The following LNX2 variants were observed in gnomAD, a reference collection of about 807,000 sequenced individuals.
LNX2 encodes ligand of numb-protein X 2, also known as ligand of Numb protein X 2.
A neutral mutation model predicts 66.2 loss-of-function variants in LNX2; 35 were observed. The ratio of observed to expected loss-of-function variants is 0.53; its 90% confidence interval spans 0.40 to 0.70. The LOEUF (loss-of-function observed/expected upper bound fraction) is 0.70. Among genes scored for constraint, LNX2 ranks in the 30% least tolerant of loss-of-function variants. The pLI is 0.00. For missense variants in LNX2, 791 were observed against 850.8 expected, an observed-to-expected ratio of 0.93 and a Z score of 0.87; for synonymous variants, 337 against 315.6, an observed-to-expected ratio of 1.07 and a Z score of -0.72.
chr13:27,591,125 G>T (rs898963973), intron 1 of LNX2, among the ~76,000 whole-genome samples: 1 of 152,170 alleles, frequency 6.6e-6, no homozygotes, highest in African/African-American at 2.4e-5. Flanking sequence ...GGCCTCAGGG[G>T]CAGGGACCAG....
chr13:27,551,105 C>T (rs544551923), intron 8 of LNX2, among the ~76,000 whole-genome samples: 9 of 151,950 alleles, frequency 5.9e-5, no homozygotes, highest in Non-Finnish European at 1.2e-4. Flanking sequence ...AAAACACTAA[C>T]AAAAAATCTT....
chr13:27,614,412 A>T (rs1955805624), intron 1 of LNX2, among the ~76,000 whole-genome samples: 2 of 152,152 alleles, frequency 1.3e-5, no homozygotes, highest in Non-Finnish European at 2.9e-5. Context: ...CTCAGAGCAT[A>T]GGAGTACCAT....
At chr13:27,598,764 T>C (rs139023842) in intron 1 of LNX2, among the ~76,000 whole-genome samples, 2 of 152,226 alleles carry the variant, frequency 1.3e-5, no homozygotes, top group African/African-American at 4.8e-5. Context: ...ATAGTAAATA[T>C]AAGCAGGCTG....
At chr13:27,583,255 T>TGTGCGCGCGCGCGCGCGCGC (rs1555268514) in intron 1 of LNX2, among the ~76,000 whole-genome samples, 1 of 58,530 alleles carries the variant, frequency 1.7e-5, no homozygotes, top group Non-Finnish European at 3.2e-5. Context: ...TGTGTGTGTG[T>TGTGCGCGCGCGCGCGCGCGC]GCGCGCGTCC....
intron 6 of LNX2, among the ~76,000 whole-genome samples, chr13:27,559,482 T>A (rs1013498631): frequency 1.3e-5 from 2 of 152,172 alleles, no homozygotes; most frequent in Non-Finnish European, 2.9e-5. Context: ...TGTTTTTTCA[T>A]CAACTAACTC....
intron 8 of LNX2, 58 bp downstream of exon 8, chr13:27,553,150 G>T: frequency 7.1e-7 from 1 of 1,416,828 alleles, no homozygotes; most frequent in Non-Finnish European, 1.0e-6. Flanking sequence ...GCTACACACT[G>T]ATAAGGGCTG....
In LNX2 at chr13:27,581,665, C is replaced by G; in HGVS notation, c.39G>C (p.Gln13His). 1.9e-6 allele frequency: 3 copies of G among 1,613,048 alleles called. 1 individual carries two copies. Among genetic ancestry groups the G allele is most frequent in the South Asian group, 2.2e-5 (2 of 90,890 alleles). Residue 13 changes from glutamine to histidine, a missense_variant, in exon 2 of 10, where the codon CAG (glutamine) becomes CAC (histidine). By Grantham distance (24) the Gln-to-His change is conservative. Transcript: ENST00000316334. ...GGGGGTTTAGAGAAGAGGAGGAGGT[C>G]TGTTCCACAGACACCATCTCATCAC... ...TTSDEMVSVE[Q>H]TSSSSLNPLC...
At chr13:27,569,974 GTTTT>G (rs747636125) in intron 2 of LNX2, among the ~76,000 whole-genome samples, 1 of 152,088 alleles carries the variant, frequency 6.6e-6, no homozygotes, top group Non-Finnish European at 1.5e-5. Context: ...TAACCTGTTT[GTTTT>G]TACTTATTTA....
At chr13:27,575,523 A>G (rs1955332596) in intron 2 of LNX2, among the ~76,000 whole-genome samples, 1 of 152,024 alleles carries the variant, frequency 6.6e-6, no homozygotes. Context: ...TTCATTCCTT[A>G]TTTTCCTGCC....
chr13:27,547,411 C>G lies in LNX2; in HGVS notation c.*924G>C, dbSNP rs1954953099. On this transcript the variant is annotated 3_prime_UTR_variant, in exon 10 of 10. Coordinates refer to ENST00000316334, the MANE Select transcript of LNX2 (RefSeq NM_153371.4). ...TAACTGGATAACATTATCTTTTATC[C>G]TCTACTATTCTAATAATAGTATATT... 6.6e-6 allele frequency: 1 copy of G among 152,038 alleles called. No individual in the cohort carries two copies. Among genetic ancestry groups the G allele is most frequent in the Non-Finnish European group, 1.5e-5 (1 of 68,012 alleles). 9.4% of individuals were successfully genotyped at this position (152,038 alleles called of 1,614,324 possible).
chr13:27,598,204 T>TAA (rs10634128), intron 1 of LNX2, among the ~76,000 whole-genome samples: 81,894 of 138,710 alleles, frequency 0.59, 25,423 homozygotes, highest in African/African-American at 0.81. Context: ...CAGCACTGTT[T>TAA]AAAAAAAAAA....
intron 4 of LNX2, among the ~76,000 whole-genome samples, chr13:27,563,366 T>C (rs1955162702): frequency 6.6e-6 from 1 of 152,226 alleles, no homozygotes; most frequent in Non-Finnish European, 1.5e-5. Flanking sequence ...CCAGGTTAAT[T>C]GTAATTTCAC....
At chr13:27,571,551 T>A (rs752583599) in intron 2 of LNX2, among the ~76,000 whole-genome samples, 27 of 152,308 alleles carry the variant, frequency 1.8e-4, no homozygotes, top group Non-Finnish European at 4.0e-4. Flanking sequence ...GAAAATGTTC[T>A]AAAAATTGGA....
At chr13:27,576,315 G>A (rs1955339793) in intron 2 of LNX2, among the ~76,000 whole-genome samples, 1 of 152,030 alleles carries the variant, frequency 6.6e-6, no homozygotes, top group African/African-American at 2.4e-5. Flanking sequence ...AGACCAATTA[G>A]ACCCAATAGA....
intron 4 of LNX2, among the ~76,000 whole-genome samples, chr13:27,566,231 CA>C (rs1955204239): frequency 6.6e-6 from 1 of 152,068 alleles, no homozygotes; most frequent in Non-Finnish European, 1.5e-5. Context: ...AATGGCTGAA[CA>C]AAAGCTTTAA....
intron 1 of LNX2, among the ~76,000 whole-genome samples, chr13:27,609,917 G>A (rs1038178512): frequency 6.6e-6 from 1 of 152,226 alleles, no homozygotes; most frequent in Non-Finnish European, 1.5e-5. Context: ...AAAAGAATAG[G>A]TCAGTGTCCC....
chr13:27,604,790 C>A (rs1011463341), intron 1 of LNX2, among the ~76,000 whole-genome samples: 14 of 150,970 alleles, frequency 9.3e-5, no homozygotes, highest in African/African-American at 3.2e-4. Flanking sequence ...AACCCCTTTT[C>A]TTATGCTTGC....
chr13:27,589,220 G>C (rs1316252284), intron 1 of LNX2, among the ~76,000 whole-genome samples: 1 of 152,186 alleles, frequency 6.6e-6, no homozygotes, highest in Non-Finnish European at 1.5e-5. Context: ...TCTTTCCCCA[G>C]AGCCTCTTCC....
In LNX2 at chr13:27,581,413, C is replaced by G; in HGVS notation, c.291G>C (p.Lys97Asn). Reference sequence around the variant, plus strand: ...GTTTATGAACTAGAATACTAGACTTCTTGCACAACTTAAAATGAAGTCTTT... The same window carrying G: ...GTTTATGAACTAGAATACTAGACTTGTTGCACAACTTAAAATGAAGTCTTT... ...DRKRLHFKLC[K>N]KSSILVHKLL... The change falls in exon 2 of 10, where the codon AAG (lysine) becomes AAC (asparagine). Residue 97 changes from lysine (K) to asparagine (N), a missense_variant. Lys to Asn is a moderately conservative substitution (Grantham distance 94). Coordinates refer to ENST00000316334, the MANE Select transcript of LNX2 (RefSeq NM_153371.4). 6.2e-7 allele frequency: 1 copy of G among 1,607,862 alleles called. No individual in the cohort carries two copies. Among genetic ancestry groups the G allele is most frequent in the South Asian group, 1.1e-5 (1 of 90,696 alleles).
Sources: gnomAD v4.1 joint callset for allele counts (sites outside exome capture counted in the v4.1 genomes callset) on GRCh38, gnomAD v4.1.1 for gene constraint, MANE v1.5 for transcripts, NCBI Gene and HGNC (gene_info 2026-07-23, HGNC 2026-07-21) for gene names.